THSD7B: variants seen among roughly 807,000 people sequenced by gnomAD.
THSD7B encodes thrombospondin type 1 domain containing 7B.
THSD7B carries 138 observed loss-of-function variants against 213.6 expected under a neutral mutation model. The observed-to-expected ratio is 0.65, with a 90% CI of 0.56 to 0.74. The LOEUF is 0.74. Among genes scored for constraint, THSD7B ranks in the 30% least tolerant of loss-of-function variants. THSD7B has a pLI of 0.00. For missense variants in THSD7B, 1,931 were observed against 1,991.5 expected (o/e 0.97, Z 0.58); for synonymous variants, 742 against 687.0 (o/e 1.08, Z -1.25).
chr2:136,887,300 T>TTGTG (rs3084772), intron 2 of THSD7B, among the ~76,000 whole-genome samples: 50,501 of 148,346 alleles, frequency 0.34, 8,887 homozygotes, highest in Non-Finnish European at 0.4. Flanking sequence ...TCCATATTTG[T>TTGTG]TGTGTGTGTG....
chr2:137,008,179 A>G (rs1303768060), intron 2 of THSD7B, among the ~76,000 whole-genome samples: 1 of 152,194 alleles, frequency 6.6e-6, no homozygotes, highest in Non-Finnish European at 1.5e-5. Context: ...CATTTGCAAC[A>G]GAAAGTGAAA....
At chr2:137,018,262 C>T (rs2104840802) in intron 2 of THSD7B, among the ~76,000 whole-genome samples, 1 of 151,996 alleles carries the variant, frequency 6.6e-6, no homozygotes, top group African/African-American at 2.4e-5. Flanking sequence ...TAAAAAATTG[C>T]AAAATAAGAC....
intron 1 of THSD7B, among the ~76,000 whole-genome samples, chr2:136,830,707 T>C (rs1682739882): frequency 6.6e-6 from 1 of 152,220 alleles, no homozygotes; most frequent in Non-Finnish European, 1.5e-5. Flanking sequence ...CTTAGCTATT[T>C]CAAATGGGTA....
chr2:137,130,770 G>A (rs545090552), intron 5 of THSD7B, among the ~76,000 whole-genome samples: 2 of 133,050 alleles, frequency 1.5e-5, no homozygotes, highest in African/African-American at 2.6e-5. Flanking sequence ...TCTTAATCCA[G>A]TCTATCATTG....
intron 2 of THSD7B, among the ~76,000 whole-genome samples, chr2:136,946,544 C>A (rs1403404861): frequency 6.6e-6 from 1 of 152,200 alleles, no homozygotes; most frequent in Non-Finnish European, 1.5e-5. Flanking sequence ...TTTAAGTCTG[C>A]AGAAGTTTCT....
chr2:137,546,043 A>G (rs975377160), intron 15 of THSD7B, among the ~76,000 whole-genome samples: 1 of 151,258 alleles, frequency 6.6e-6, no homozygotes, highest in Middle Eastern at 3.4e-3. Context: ...CTGTACTGAG[A>G]AAAAAAACAT....
intron 17 of THSD7B, among the ~76,000 whole-genome samples, chr2:137,584,116 C>A (rs1029266385): frequency 1.3e-5 from 2 of 152,142 alleles, no homozygotes; most frequent in Admixed American, 6.6e-5. Flanking sequence ...AATGGGAATT[C>A]ACTCATGATT....
At chr2:137,106,588 T>A (rs1186709138) in intron 4 of THSD7B, among the ~76,000 whole-genome samples, 1 of 152,138 alleles carries the variant, frequency 6.6e-6, no homozygotes, top group Non-Finnish European at 1.5e-5. Context: ...CAAAAGAAAC[T>A]ATCATTAGAG....
At chr2:136,943,939 G>T (rs1214616087) in intron 2 of THSD7B, among the ~76,000 whole-genome samples, 1 of 151,992 alleles carries the variant, frequency 6.6e-6, no homozygotes, top group Non-Finnish European at 1.5e-5. Flanking sequence ...GAATTTGTTT[G>T]CTCTCGCTTC....
intron 2 of THSD7B, among the ~76,000 whole-genome samples, chr2:136,890,300 A>ACTCCTCCTCTTCTTCTT (rs1558839719): frequency 1.5e-3 from 1 of 680 alleles, no homozygotes; most frequent in South Asian, 0.071. Context: ...TCCATGTCCT[A>ACTCCTCCTCTTCTTCTT]CTCCTTCTTC....
intron 1 of THSD7B, among the ~76,000 whole-genome samples, chr2:136,782,230 A>C (rs2104907207): frequency 6.6e-6 from 1 of 152,238 alleles, no homozygotes; most frequent in African/African-American, 2.4e-5. Flanking sequence ...CGGAAGTTGT[A>C]ACGCCAGAAG....
chr2:137,216,729 A>T (rs553921006), intron 7 of THSD7B, among the ~76,000 whole-genome samples: 13 of 152,312 alleles, frequency 8.5e-5, no homozygotes, highest in African/African-American at 2.9e-4. Flanking sequence ...TTTCACAGCG[A>T]AAGAAAATGT....
intron 2 of THSD7B, among the ~76,000 whole-genome samples, chr2:137,052,734 A>G (rs923248376): frequency 6.6e-6 from 1 of 152,158 alleles, no homozygotes; most frequent in Non-Finnish European, 1.5e-5. Context: ...TTGAAATGGC[A>G]AAACCCCTTA....
At chr2:137,638,825 A>G (rs1408246916) in intron 20 of THSD7B, among the ~76,000 whole-genome samples, 1 of 152,176 alleles carries the variant, frequency 6.6e-6, no homozygotes, top group East Asian at 1.9e-4. Flanking sequence ...CCCCTGCCCT[A>G]GAGATTTGTG....
intron 14 of THSD7B, among the ~76,000 whole-genome samples, chr2:137,445,646 T>G (rs1435185675): frequency 6.6e-6 from 1 of 151,920 alleles, no homozygotes; most frequent in East Asian, 1.9e-4. Flanking sequence ...GACAGGTTGA[T>G]TAATGGGTAC....
intron 15 of THSD7B, among the ~76,000 whole-genome samples, chr2:137,528,886 C>G (rs1403752990): frequency 2.0e-5 from 3 of 152,108 alleles, no homozygotes; most frequent in Non-Finnish European, 4.4e-5. Flanking sequence ...ATGCAAAGCT[C>G]TTCTCAGTCT....
At chr2:137,309,384 G>A (rs1683835375) in intron 12 of THSD7B, among the ~76,000 whole-genome samples, 1 of 150,952 alleles carries the variant, frequency 6.6e-6, no homozygotes, top group Non-Finnish European at 1.5e-5. Context: ...AAGCCTTTTT[G>A]TCACATATTT....
At chr2:137,091,798 G>T (rs1687953323) in intron 3 of THSD7B, among the ~76,000 whole-genome samples, 1 of 152,028 alleles carries the variant, frequency 6.6e-6, no homozygotes, top group South Asian at 2.1e-4. Flanking sequence ...GGTCCCAGGG[G>T]TTATGACTTC....
chr2:136,919,698 C>T (rs1684403121), intron 2 of THSD7B, among the ~76,000 whole-genome samples: 1 of 152,192 alleles, frequency 6.6e-6, no homozygotes, highest in Non-Finnish European at 1.5e-5. Flanking sequence ...GCTTGTTCCA[C>T]CTGCTTGGCC....
Sources: gnomAD v4.1 joint callset for allele counts (sites outside exome capture counted in the v4.1 genomes callset) on GRCh38, gnomAD v4.1.1 for gene constraint, MANE v1.5 for transcripts, NCBI Gene and HGNC (gene_info 2026-07-23, HGNC 2026-07-21) for gene names.